Variants in USP54 observed in about 807,000 individuals in gnomAD.
USP54 encodes the protein ubiquitin carboxyl-terminal hydrolase 54.
In USP54, 87 loss-of-function variants were observed where a neutral mutation model predicts 170.5. The ratio of observed to expected loss-of-function variants is 0.51; its 90% CI spans 0.43 to 0.61. The LOEUF (loss-of-function observed/expected upper bound fraction) is 0.61. Ranked by LOEUF, USP54 falls within the 20% of genes least tolerant of loss-of-function variation. USP54 has a pLI of 0.00. For missense variants in USP54, 1,786 were observed against 2,047.8 expected (o/e 0.87, Z 2.47); for synonymous variants, 655 against 742.8 (o/e 0.88, Z 1.92).
chr10:73,607,084 A>C (rs1383067922), intron 1 of USP54, among the ~76,000 whole-genome samples: 2 of 151,634 alleles, frequency 1.3e-5, no homozygotes, highest in Non-Finnish European at 2.9e-5. Flanking sequence ...CCAAGGTAGG[A>C]GGATAGCTTG....
chr10:73,502,141 T>C (rs1018747384), intron 22 of USP54, among the ~76,000 whole-genome samples: 34 of 152,356 alleles, frequency 2.2e-4, no homozygotes, highest in African/African-American at 8.2e-4. Flanking sequence ...TATGCCAGTA[T>C]GTCTAATTTC....
At chr10:73,505,985 TATAG>T (rs1160285254) in intron 20 of USP54, 2 of 152,328 alleles carry the variant, frequency 1.3e-5, no homozygotes, top group Non-Finnish European at 2.9e-5. Context: ...GCTCAAGACT[TATAG>T]ACAGAGGAAA....
intron 1 of USP54, among the ~76,000 whole-genome samples, chr10:73,600,672 G>A (rs899631000): frequency 1.3e-5 from 2 of 152,208 alleles, no homozygotes; most frequent in African/African-American, 2.4e-5. Context: ...CCAGCACTTC[G>A]GGAGGCTGAG....
In USP54 at chr10:73,550,204, G is replaced by A. The variant is rs537353324; in HGVS notation, c.241-4532C>T. 1.7e-3 allele frequency among the ~76,000 whole-genome samples: 262 copies of A among 152,252 alleles called. 1 individual carries two copies. The highest frequency in any genetic ancestry group is 6.0e-3 in the African/African-American group (250 of 41,534). The stretch of plus-strand genomic sequence containing the variant: ...CTCCCAAAGTGCTGGGATAACAGGC[G>A]TGGGCCACCACGCCCAGCCATACTA... On this transcript the variant is annotated intron_variant, in intron 4 of 23. Coordinates refer to ENST00000687698, the MANE Select transcript of USP54 (RefSeq NM_001391956.1).
chr10:73,508,676 T>G (rs566235546), intron 20 of USP54, among the ~76,000 whole-genome samples: 147 of 151,910 alleles, frequency 9.7e-4, no homozygotes, highest in Non-Finnish European at 1.4e-3. Context: ...ACATGTTTTT[T>G]TTTTTTTTTG....
At chr10:73,610,200 A>T (rs1327467348) in intron 1 of USP54, among the ~76,000 whole-genome samples, 1 of 152,112 alleles carries the variant, frequency 6.6e-6, no homozygotes, top group East Asian at 1.9e-4. Flanking sequence ...TAAAAATAAA[A>T]AAACTTTACT....
chr10:73,520,859 T>G (rs1164357451), intron 18 of USP54, 49 bp downstream of exon 18: 4 of 1,612,936 alleles, frequency 2.5e-6, no homozygotes. Flanking sequence ...TAATACCTAT[T>G]GTGAAGTTAG....
intron 4 of USP54, among the ~76,000 whole-genome samples, chr10:73,557,347 A>C (rs1480382211): frequency 6.6e-6 from 1 of 150,860 alleles, no homozygotes; most frequent in Non-Finnish European, 1.5e-5. Context: ...TTTGAGATGG[A>C]GTCTTGCTCT....
intron 4 of USP54, among the ~76,000 whole-genome samples, chr10:73,564,896 T>A (rs892798389): frequency 1.6e-5 from 2 of 127,264 alleles, no homozygotes; most frequent in African/African-American, 3.2e-5. Flanking sequence ...AGTCCTCATC[T>A]CTACCAAAAA....
intron 5 of USP54, 94 bp from the exon 6 acceptor site, chr10:73,543,225 T>G (rs1413492319): frequency 1.2e-6 from 1 of 831,176 alleles, no homozygotes; most frequent in African/African-American, 1.7e-5. Flanking sequence ...CAGCAACCCT[T>G]CTGGAAGGTA....
At chr10:73,531,893 TG>T (rs1289359850) in intron 12 of USP54, among the ~76,000 whole-genome samples, 1 of 152,090 alleles carries the variant, frequency 6.6e-6, no homozygotes, top group Non-Finnish European at 1.5e-5. Flanking sequence ...GCAACTAAAT[TG>T]CTAGAAGCCA....
chr10:73,508,533 T>C (rs958813005), intron 20 of USP54, among the ~76,000 whole-genome samples: 1 of 152,206 alleles, frequency 6.6e-6, no homozygotes, highest in African/African-American at 2.4e-5. Context: ...CCAGACATTA[T>C]GTATTCGCTG....
In USP54 at chr10:73,536,417, A is replaced by G. The variant is rs910203378; in HGVS notation, c.996T>C (p.Asp332=). The change falls in exon 11 of 24, where the codon GAT becomes GAC. Residue 332 remains aspartate, a synonymous_variant. Transcript: ENST00000687698. ...GCCCCTTGATGCATTTGGTCACCAC[A>G]TCCTTCCATTTGGGCCCAATCTGAA... ...HVKEIGPKWK[D]VVTKCIKGHY... 4.5e-6 allele frequency: 7 copies of G among 1,561,908 alleles called. No homozygotes were observed. Among genetic ancestry groups the G allele is most frequent in the African/African-American group, 1.4e-5 (1 of 73,350 alleles).
chr10:73,599,008 A>G (rs7074274), intron 1 of USP54, among the ~76,000 whole-genome samples: 31,745 of 151,944 alleles, frequency 0.21, 6,161 homozygotes, highest in African/African-American at 0.51. Context: ...GAACCCAGGA[A>G]GGGGAGGTTG....
In USP54 at chr10:73,523,701, C is replaced by T. The variant is rs61995918; in HGVS notation, c.2244G>A (p.Val748=). ...KSELDELQEE[V]ARRAQEQELR... ...GTTCCTGTTCCTGCGCCCTCCTGGC[C>T]ACCTCTTCCTGCAATTCATCCAGTT... Residue 748 remains valine (V), a synonymous_variant, in exon 17 of 24, where the codon GTG becomes GTA. Coordinates refer to ENST00000687698, the MANE Select transcript of USP54 (RefSeq NM_001391956.1). The T allele has an allele frequency of 1.7e-4, 275 of 1,613,868 alleles. No homozygotes were observed. In the African/African-American group the frequency reaches 2.7e-3, roughly 16 times the overall value.
At chr10:73,622,449 G>A (rs563192881) in intron 1 of USP54, among the ~76,000 whole-genome samples, 258 of 151,868 alleles carry the variant, frequency 1.7e-3, no homozygotes, top group African/African-American at 5.8e-3. Flanking sequence ...TCAGCCTCCC[G>A]AGTGGCTGGA....
At chr10:73,541,323 AATAC>A in intron 9 of USP54, 48 bp downstream of exon 9, 1 of 1,610,214 alleles carries the variant, frequency 6.2e-7, no homozygotes, top group South Asian at 1.1e-5. Context: ...GCTCCTAAGC[AATAC>A]TAAGACGCAA....
chr10:73,569,789 G>A (rs538635740), intron 4 of USP54, among the ~76,000 whole-genome samples: 38 of 149,684 alleles, frequency 2.5e-4, no homozygotes, highest in African/African-American at 7.6e-4. Context: ...TGCCTATCAT[G>A]GGCTTAAAAC....
chr10:73,573,910 T>C (rs1473576607), intron 3 of USP54, among the ~76,000 whole-genome samples: 1 of 152,238 alleles, frequency 6.6e-6, no homozygotes, highest in Non-Finnish European at 1.5e-5. Context: ...TGGCTAAAAC[T>C]ACAACCCAGG....
Sources: allele counts gnomAD v4.1 joint callset (sites outside exome capture counted in the v4.1 genomes callset), GRCh38; gene constraint gnomAD v4.1.1; transcripts MANE v1.5; gene names NCBI Gene and HGNC (gene_info 2026-07-23, HGNC 2026-07-21).